Variants in GLMN observed in about 807,000 individuals in gnomAD.
GLMN encodes the protein glomulin.
Under a neutral mutation model 87.8 loss-of-function variants are expected in GLMN, and 75 were observed. The observed-to-expected ratio is 0.85, with a 90% CI of 0.71 to 1.04. The LOEUF (loss-of-function observed/expected upper bound fraction) is 1.04, where lower values mean the gene tolerates loss of function less well. Among genes scored for constraint, GLMN ranks in the 50% least tolerant of loss-of-function variants. The pLI, the probability that GLMN is intolerant of heterozygous loss-of-function variation, is 0.00. For missense variants in GLMN, 588 were observed against 658.8 expected (o/e 0.89, Z 1.18); for synonymous variants, 206 against 221.6 (o/e 0.93, Z 0.63).
chr1:92,276,807 A>G (rs1222777444), intron 7 of GLMN, among the ~76,000 whole-genome samples: 1 of 152,250 alleles, frequency 6.6e-6, no homozygotes, highest in Non-Finnish European at 1.5e-5. Context: ...GTTATACTAC[A>G]GCAAGAAAAG....
chr1:92,337,801 A>C, the GLMN span, among the ~76,000 whole-genome samples: 1 of 152,132 alleles, frequency 6.6e-6, no homozygotes, highest in Non-Finnish European at 1.5e-5. Flanking sequence ...ATTCATCGTC[A>C]ATTCCCCAAC....
chr1:92,274,917 G>C (rs1647189287), intron 7 of GLMN, among the ~76,000 whole-genome samples: 1 of 152,072 alleles, frequency 6.6e-6, no homozygotes, highest in Non-Finnish European at 1.5e-5. Context: ...TATCCAACCT[G>C]AATCATGGAT....
rs531870909 is a variant in GLMN at position 92,258,898 on chromosome 1, GAAAA to G, written c.1473+3961_1473+3964del. ...ATGTATCCCAGAACTTAAAAGTATT[GAAAA>G]AAAACCAAAACTTAAATGAGCACCC... On this transcript the variant is annotated intron_variant, in intron 16 of 18. Coordinates refer to ENST00000370360, the MANE Select transcript of GLMN (RefSeq NM_053274.3). Among the ~76,000 whole-genome samples, 863 of 151,254 alleles carry G rather than the reference GAAAA, an allele frequency of 5.7e-3. 7 individuals are homozygous for G. Among genetic ancestry groups the G allele is most frequent in the African/African-American group, 0.018 (755 of 41,204 alleles).
chr1:92,363,793 A>G, the GLMN span: 4 of 285,222 alleles, frequency 1.4e-5, no homozygotes, highest in African/African-American at 6.7e-5. Flanking sequence ...TCTCTTCTTT[A>G]TGATTTGCTT....
At position 92,262,973 on chromosome 1, in the gene GLMN, C is replaced by A; in HGVS notation, c.1410-47G>T. ...TACTTACAGTATGGTTTTATATAGT[C>A]AACAGCAATCTCAATAAGCTAAAAC... On this transcript the variant is annotated intron_variant, in intron 15 of 18. Transcript: ENST00000370360. 3 of 773,214 alleles carry A rather than the reference C, an allele frequency of 3.9e-6. No homozygotes were observed. The South Asian group carries it at 4.3e-5, about 11-fold the overall frequency. 47.9% of individuals were successfully genotyped at this position (773,214 alleles called of 1,614,324 possible).
chr1:92,258,001 T>A lies in GLMN; in HGVS notation c.1473+4862A>T, dbSNP rs1324792880. On this transcript the variant is annotated intron_variant, in intron 16 of 18. Coordinates refer to ENST00000370360, the MANE Select transcript of GLMN (RefSeq NM_053274.3). ...AACCTACAGAATGGGAGAAAATTTT[T>A]GCAATCTATCCATCTGACAAAGGGC... is the stretch of plus-strand genomic sequence containing the variant. Among the ~76,000 whole-genome samples, 3 of 152,208 alleles carry A rather than the reference T, an allele frequency of 2.0e-5. 1 individual carries two copies. Among genetic ancestry groups the A allele is most frequent in the African/African-American group, 4.8e-5 (2 of 41,542 alleles).
At chr1:92,296,485 G>A (rs895995596) in intron 3 of GLMN, among the ~76,000 whole-genome samples, 4 of 152,138 alleles carry the variant, frequency 2.6e-5, no homozygotes, top group Non-Finnish European at 5.9e-5. Flanking sequence ...CAGACCTGGT[G>A]AGAACTCACT....
the GLMN span, among the ~76,000 whole-genome samples, chr1:92,322,130 GAGAC>G: frequency 6.6e-6 from 1 of 151,290 alleles, no homozygotes; most frequent in Non-Finnish European, 1.5e-5. Flanking sequence ...ATTTTTAGTA[GAGAC>G]AGGGTTTCAC....
rs1450052189 is a variant in GLMN, at chr1:92,247,058, T to C, written c.1668+4A>G. On this transcript the variant is annotated splice_donor_region_variant and intron_variant, in intron 18 of 18. Coordinates refer to ENST00000370360, the MANE Select transcript of GLMN (RefSeq NM_053274.3). ...AAAGGAAAGAAAAGAAAATTTCAGA[T>C]CACCTTAAGCTGCATTTCAGGAGGC... is the stretch of plus-strand genomic sequence containing the variant. The C allele has an allele frequency of 6.9e-7, 1 of 1,445,414 alleles. No individual in the cohort carries two copies. The highest frequency in any genetic ancestry group is 1.7e-5 in the Admixed American group (1 of 59,788). The allele number at this position is 1,445,414 out of a possible 1,614,324, so 89.5% of individuals were successfully genotyped here.
intron 16 of GLMN, among the ~76,000 whole-genome samples, chr1:92,258,896 T>C (rs1017859189): frequency 2.0e-5 from 3 of 151,984 alleles, no homozygotes; most frequent in African/African-American, 7.3e-5. Flanking sequence ...CTTAAAAGTA[T>C]TGAAAAAAAA....
At chr1:92,351,690 C>T in the GLMN span, among the ~76,000 whole-genome samples, 4 of 152,118 alleles carry the variant, frequency 2.6e-5, no homozygotes, top group African/African-American at 9.7e-5. Context: ...TACAGGGAAA[C>T]GTCCAGACCA....
chr1:92,334,042 C>T, the GLMN span, among the ~76,000 whole-genome samples: 1 of 152,120 alleles, frequency 6.6e-6, no homozygotes, highest in African/African-American at 2.4e-5. Context: ...TCAAAAAGAA[C>T]TTGAAGGTTT....
At chr1:92,253,936 T>C (rs1252457080) in intron 16 of GLMN, among the ~76,000 whole-genome samples, 3 of 152,118 alleles carry the variant, frequency 2.0e-5, no homozygotes, top group African/African-American at 4.8e-5. Context: ...CTGACAGAAG[T>C]AGGCTTCAGA....
intron 6 of GLMN, among the ~76,000 whole-genome samples, chr1:92,287,173 G>A (rs1210444230): frequency 6.6e-6 from 1 of 152,124 alleles, no homozygotes; most frequent in Non-Finnish European, 1.5e-5. Context: ...GCTGGTGCTA[G>A]TCTATGATGT....
chr1:92,334,422 A>C, the GLMN span, among the ~76,000 whole-genome samples: 1 of 152,154 alleles, frequency 6.6e-6, no homozygotes, highest in Non-Finnish European at 1.5e-5. Flanking sequence ...AGGAATTGTT[A>C]ATTTGGATGG....
intron 11 of GLMN, among the ~76,000 whole-genome samples, chr1:92,267,703 C>CAA (rs10718329): frequency 7.7e-5 from 11 of 142,826 alleles, no homozygotes; most frequent in African/African-American, 2.6e-4. Context: ...GACTACACCT[C>CAA]AAAAAAAAAA....
intron 16 of GLMN, among the ~76,000 whole-genome samples, chr1:92,256,305 G>A (rs1654238462): frequency 6.6e-6 from 1 of 151,934 alleles, no homozygotes; most frequent in African/African-American, 2.4e-5. Context: ...CAGATTCACA[G>A]CCGCATTCTA....
At chr1:92,321,306 A>AT in the GLMN span, among the ~76,000 whole-genome samples, 272 of 152,254 alleles carry the variant, frequency 1.8e-3, 3 homozygotes, top group African/African-American at 6.0e-3. Context: ...AATTGTTCTA[A>AT]TTTTTTTGAG....
chr1:92,332,245 G>A, the GLMN span, among the ~76,000 whole-genome samples: 4 of 151,514 alleles, frequency 2.6e-5, no homozygotes, highest in African/African-American at 9.7e-5. Flanking sequence ...TTTCTACTAT[G>A]CTTTTATGTC....
Sources: gnomAD v4.1 joint callset for allele counts (sites outside exome capture counted in the v4.1 genomes callset) on GRCh38, gnomAD v4.1.1 for gene constraint, MANE v1.5 for transcripts, NCBI Gene and HGNC (gene_info 2026-07-23, HGNC 2026-07-21) for gene names.